UGT2B7: variants seen among roughly 807,000 people sequenced by gnomAD.
The protein encoded by UGT2B7 is UDP glucuronosyltransferase family 2 member B7.
Under a neutral mutation model 51.9 loss-of-function variants are expected in UGT2B7, and 51 were observed. The ratio of observed to expected loss-of-function variants is 0.98; its 90% CI spans 0.78 to 1.24. UGT2B7 has a LOEUF of 1.24. UGT2B7 is among the 50% of genes most tolerant of loss of function. The pLI is 0.00. For synonymous variants in UGT2B7, 225 were observed against 211.6 expected, an observed-to-expected ratio of 1.06 and a Z score of -0.55; for missense variants, 727 against 628.4, an observed-to-expected ratio of 1.16 and a Z score of -1.68.
At chr4:69,083,125 T>C (rs1343151012) in intron 1 of UGT2B7, among the ~76,000 whole-genome samples, 1 of 152,140 alleles carries the variant, frequency 6.6e-6, no homozygotes, top group African/African-American at 2.4e-5. Context: ...TGTTGAGATC[T>C]ACTCCTCAGA....
intron 1 of UGT2B7, among the ~76,000 whole-genome samples, chr4:69,086,893 T>C (rs545745251): frequency 2.2e-4 from 33 of 152,124 alleles, no homozygotes; most frequent in African/African-American, 7.9e-4. Context: ...AACAATACAG[T>C]TGAGTTTTAA....
intron 1 of UGT2B7, among the ~76,000 whole-genome samples, chr4:69,080,434 G>C (rs1718809451): frequency 6.6e-6 from 1 of 151,488 alleles, no homozygotes; most frequent in Non-Finnish European, 1.5e-5. Context: ...TGCAATCTCA[G>C]CTACTCAGGA....
rs1223080269 is a variant in UGT2B7, at chr4:69,112,964, A to C, written c.*228A>C. On this transcript the variant is annotated 3_prime_UTR_variant, in exon 6 of 6. Transcript: ENST00000305231. ...TGGCAATGAAGAAAACACTACGGAA[A>C]ATAAAAAATAAGATAAAGCCTTATG... 1 of 524,774 alleles carries C rather than the reference A, an allele frequency of 1.9e-6. No individual in the cohort carries two copies. Among genetic ancestry groups the C allele is most frequent in the African/African-American group, 2.0e-5 (1 of 50,130 alleles). 32.5% of individuals were successfully genotyped at this position (524,774 alleles called of 1,614,324 possible). A position where few individuals can be genotyped will look rare whatever the true frequency, so the allele number is the denominator to read the frequency against.
chr4:69,055,495 T>C (rs1233013402), intron 1 of UGT2B7, among the ~76,000 whole-genome samples: 1 of 152,142 alleles, frequency 6.6e-6, no homozygotes, highest in East Asian at 1.9e-4. Context: ...GATCCTAGTG[T>C]AAGCATCCTA....
intron 1 of UGT2B7, among the ~76,000 whole-genome samples, chr4:69,081,439 A>G (rs567894559): frequency 2.0e-5 from 3 of 152,284 alleles, no homozygotes; most frequent in African/African-American, 7.2e-5. Flanking sequence ...AAGAAACAAA[A>G]CAAAAATGAC....
upstream of UGT2B7, among the ~76,000 whole-genome samples, chr4:69,092,959 C>A (rs1257173913): frequency 3.1e-5 from 3 of 96,912 alleles, no homozygotes; most frequent in Admixed American, 3.6e-4. Context: ...TACCCCCACC[C>A]CAGAAAAAAA....
At chr4:69,089,891 T>C (rs868292912) in intron 2 of UGT2B7, among the ~76,000 whole-genome samples, 2 of 152,284 alleles carry the variant, frequency 1.3e-5, no homozygotes, top group Middle Eastern at 3.4e-3. Context: ...TCTTAAGTCC[T>C]GTGCTGACTA....
Position 69,112,938 on chromosome 4 carries a change from G to A in UGT2B7, c.*202G>A. The A allele has an allele frequency of 1.3e-6, 1 of 743,916 alleles. No individual in the cohort carries two copies. Among genetic ancestry groups the A allele is most frequent in the South Asian group, 2.4e-5 (1 of 41,012 alleles). 46.1% of individuals were successfully genotyped at this position (743,916 alleles called of 1,614,324 possible). On this transcript the variant is annotated 3_prime_UTR_variant, in exon 6 of 6. Transcript: ENST00000305231. ...CCCAGTTCATGGTTAGAAATATTTTGTGGCAATGAAGAAAACACTACGGAA... is the reference window on the plus strand; with the variant it reads ...CCCAGTTCATGGTTAGAAATATTTTATGGCAATGAAGAAAACACTACGGAA...
chr4:69,073,974 TC>T (rs1718651933), intron 1 of UGT2B7, among the ~76,000 whole-genome samples: 1 of 152,140 alleles, frequency 6.6e-6, no homozygotes, highest in African/African-American at 2.4e-5. Flanking sequence ...TTTGTATTCA[TC>T]CTTCTCACCT....
chr4:69,111,646 T>A (rs1719777734), intron 5 of UGT2B7, among the ~76,000 whole-genome samples: 1 of 152,200 alleles, frequency 6.6e-6, no homozygotes, highest in African/African-American at 2.4e-5. Context: ...GATTATTTCA[T>A]ATTGTATCAA....
chr4:69,087,656 G>A lies in UGT2B7; in HGVS notation c.-158-1816G>A, dbSNP rs187234815. 4.0e-3 allele frequency among the ~76,000 whole-genome samples: 604 copies of A among 151,768 alleles called. 5 individuals are homozygous for A. Among genetic ancestry groups the A allele is most frequent in the African/African-American group, 0.014 (579 of 41,428 alleles). On this transcript the variant is annotated intron_variant, in intron 1 of 5. Coordinates refer to the UGT2B7 transcript ENST00000502942. The stretch of plus-strand genomic sequence containing the variant: ...TTATGAATGCCTTATCTTTTGTTTC[G>A]GAAAATGTTATCACTCTTTCAGGTT...
chr4:69,054,713 A>G (rs2109857941), intron 1 of UGT2B7, among the ~76,000 whole-genome samples: 1 of 152,146 alleles, frequency 6.6e-6, no homozygotes, highest in East Asian at 1.9e-4. Flanking sequence ...GTGACTCTGA[A>G]GAAGACTACA....
At chr4:69,079,197 G>T (rs2109872677) in intron 1 of UGT2B7, among the ~76,000 whole-genome samples, 1 of 152,268 alleles carries the variant, frequency 6.6e-6, no homozygotes, top group South Asian at 2.1e-4. Context: ...CCATCAGGGT[G>T]TTTCCTGGGA....
At chr4:69,093,629 T>G (rs115821378), upstream of UGT2B7, among the ~76,000 whole-genome samples, 615 of 152,296 alleles carry the variant, frequency 4.0e-3, 2 homozygotes, top group South Asian at 7.0e-3. Flanking sequence ...CTGCTGAGAC[T>G]CCACATACCT....
At chr4:69,111,867 A>ATGT (rs1340690227) in intron 5 of UGT2B7, among the ~76,000 whole-genome samples, 2 of 152,260 alleles carry the variant, frequency 1.3e-5, no homozygotes, top group Non-Finnish European at 2.9e-5. Context: ...AAATTAAAAT[A>ATGT]CACAAATTCG....
At chr4:69,098,725 T>C in intron 2 of UGT2B7, 37 bp downstream of exon 2, 1 of 1,599,246 alleles carries the variant, frequency 6.3e-7, no homozygotes, top group South Asian at 1.1e-5. Context: ...TTGTTGGCTT[T>C]GAATTTTCAG....
chr4:69,067,832 A>G (rs770705524), intron 1 of UGT2B7, among the ~76,000 whole-genome samples: 1 of 152,156 alleles, frequency 6.6e-6, no homozygotes, highest in Non-Finnish European at 1.5e-5. Flanking sequence ...AGGATAGTGC[A>G]TAAGTTCTAA....
Position 69,112,662 on chromosome 4 carries a change from T to C in UGT2B7, c.1516T>C (p.Phe506Leu). Residue 506 changes from phenylalanine to leucine, a missense_variant, in exon 6 of 6, where the codon TTT becomes CTT. Physicochemically the swap from Phe to Leu is conservative, Grantham distance 22. Transcript: ENST00000305231. ...FLLVCVATVI[F>L]IVTKCCLFCF... ...GCTGGTCTGTGTGGCAACTGTGATA[T>C]TTATCGTCACAAAATGTTGTCTGTT... is the stretch of plus-strand genomic sequence containing the variant. 6.2e-7 allele frequency: 1 copy of C among 1,613,912 alleles called. No individual in the cohort carries two copies. The highest frequency in any genetic ancestry group is 8.5e-7 in the Non-Finnish European group (1 of 1,179,874).
intron 1 of UGT2B7, among the ~76,000 whole-genome samples, chr4:69,078,683 C>T (rs1031429573): frequency 2.0e-5 from 3 of 152,074 alleles, no homozygotes; most frequent in African/African-American, 7.2e-5. Context: ...CAAAACCATA[C>T]CTTTGACCTA....
Sources: allele counts gnomAD v4.1 joint callset (sites outside exome capture counted in the v4.1 genomes callset), GRCh38; gene constraint gnomAD v4.1.1; transcripts MANE v1.5; gene names NCBI Gene and HGNC (gene_info 2026-07-23, HGNC 2026-07-21).